DST: variants seen among roughly 807,000 people sequenced by gnomAD.
DST encodes bullous pemphigoid antigen.
DST carries 253 observed loss-of-function variants against 875.2 expected under a neutral mutation model. The observed-to-expected ratio is 0.29, with a 90% CI of 0.26 to 0.32. DST has a LOEUF of 0.32. Ranked by LOEUF, DST falls within the 10% of genes least tolerant of loss-of-function variation. DST has a pLI of 1.00. For missense variants in DST, 8,287 were observed against 9,111.6 expected (o/e 0.91, Z 3.68); for synonymous variants, 3,124 against 3,197.1 (o/e 0.98, Z 0.77).
chr6:56,509,950 T>C, intron 73 of DST, 77 bp from the exon 74 acceptor site: 1 of 1,169,498 alleles, frequency 8.6e-7, no homozygotes, highest in Non-Finnish European at 1.2e-6. Context: ...GAAAAAACAT[T>C]TTTTACAATT....
At chr6:56,538,609 C>T (rs933377626) in intron 61 of DST, among the ~76,000 whole-genome samples, 1 of 152,150 alleles carries the variant, frequency 6.6e-6, no homozygotes, top group East Asian at 1.9e-4. Flanking sequence ...ACAGGATACT[C>T]CTGTGTTACT....
At chr6:56,688,706 C>T (rs967087355) in intron 9 of DST, among the ~76,000 whole-genome samples, 5 of 152,198 alleles carry the variant, frequency 3.3e-5, no homozygotes, top group African/African-American at 1.2e-4. Flanking sequence ...CTGATCATCA[C>T]CCCAGGTGAC....
intron 4 of DST, among the ~76,000 whole-genome samples, chr6:56,798,183 T>C (rs1292296316): frequency 6.6e-6 from 1 of 152,176 alleles, no homozygotes; most frequent in Non-Finnish European, 1.5e-5. Context: ...GACAAAACAG[T>C]CTTCCAATGG....
At position 56,586,555 on chromosome 6, in the gene DST, G is replaced by T. The variant is rs548431595; in HGVS notation, c.12903+5627C>A. ...TGGGTCTTGACTCTTGATCCAATTTGCCAGTCTGTGTCTTTTAATTGGAGC... is the reference window on the plus strand; with the variant it reads ...TGGGTCTTGACTCTTGATCCAATTTTCCAGTCTGTGTCTTTTAATTGGAGC... On this transcript the variant is annotated intron_variant, in intron 49 of 103. Coordinates refer to ENST00000680361, the MANE Select transcript of DST (RefSeq NM_001374736.1). 1.4e-4 allele frequency among the ~76,000 whole-genome samples: 22 copies of T among 152,100 alleles called. No individual in the cohort carries two copies. In the East Asian group the frequency reaches 4.1e-3, roughly 28 times the overall value.
chr6:56,933,654 A>G (rs1454427793), intron 2 of DST, among the ~76,000 whole-genome samples: 3 of 152,206 alleles, frequency 2.0e-5, no homozygotes, highest in African/African-American at 7.2e-5. Flanking sequence ...AACAACAACA[A>G]AAAAGTAGAA....
intron 49 of DST, among the ~76,000 whole-genome samples, chr6:56,585,980 TC>T (rs199551717): frequency 0.33 from 49,736 of 151,334 alleles, 8,729 homozygotes; most frequent in Admixed American, 0.4. Context: ...TAATTTCTGT[TC>T]TTTTACATTT....
chr6:56,542,224 A>C (rs936717897), intron 61 of DST, among the ~76,000 whole-genome samples: 2 of 150,558 alleles, frequency 1.3e-5, no homozygotes, highest in African/African-American at 4.9e-5. Flanking sequence ...TTTTTCTTTT[A>C]CTTTTTTTTT....
At chr6:56,827,213 A>G (rs2099781597) in intron 4 of DST, among the ~76,000 whole-genome samples, 2 of 152,172 alleles carry the variant, frequency 1.3e-5, no homozygotes, top group Admixed American at 1.3e-4. Context: ...TACATTTTTA[A>G]TTTAAAAAAT....
chr6:56,610,565 AAAT>A lies in DST; in HGVS notation c.5148-6_5148-4del, dbSNP rs775202966. ...CATTTCTTTCTTCATCTGTCATTCTAAATAACCAGAAATGATAAAAAGACTAAT... is the reference window on the plus strand; with the variant it reads ...CATTTCTTTCTTCATCTGTCATTCTAAACCAGAAATGATAAAAAGACTAAT... On this transcript the variant is annotated splice_region_variant and splice_polypyrimidine_tract_variant and intron_variant, in intron 38 of 103. Transcript: ENST00000680361. The A allele has an allele frequency of 1.3e-6, 2 of 1,570,828 alleles. No individual in the cohort carries two copies. The highest frequency in any genetic ancestry group is 1.4e-5 in the African/African-American group (1 of 73,088).
At chr6:56,488,910 G>T (rs2152434394) in intron 86 of DST, among the ~76,000 whole-genome samples, 1 of 152,196 alleles carries the variant, frequency 6.6e-6, no homozygotes, top group East Asian at 1.9e-4. Context: ...AGAAAAGGTA[G>T]AAAATATTTA....
At chr6:56,542,455 A>AAAAAT (rs1491548062) in intron 61 of DST, 1 of 119,004 alleles carries the variant, frequency 8.4e-6, no homozygotes, top group African/African-American at 3.1e-5. Flanking sequence ...AAAAAAAAAA[A>AAAAAT]GCCATTTCCA....
intron 5 of DST, among the ~76,000 whole-genome samples, chr6:56,719,272 T>G (rs981278911): frequency 6.6e-6 from 1 of 152,212 alleles, no homozygotes; most frequent in Non-Finnish European, 1.5e-5. Context: ...TTGTATTTAT[T>G]GAAAAATAGC....
chr6:56,819,835 G>A (rs773166635), intron 4 of DST, among the ~76,000 whole-genome samples: 5 of 152,190 alleles, frequency 3.3e-5, no homozygotes, highest in Admixed American at 6.5e-5. Flanking sequence ...GCCTATTGAA[G>A]TCTGTGGTCT....
At chr6:56,524,075 G>C (rs1651349965) in intron 69 of DST, among the ~76,000 whole-genome samples, 1 of 151,894 alleles carries the variant, frequency 6.6e-6, no homozygotes, top group African/African-American at 2.4e-5. Context: ...GTAGTTATTG[G>C]GTAAAACAGA....
rs534753663 is a variant in DST, at chr6:56,786,525, G to GGTTTT, written c.626-51241_626-51237dup. ...TAACATCCCAGTCCCAGTACCTTTT[G>GGTTTT]GTTTTGTTTTGTTTTGTTTGTTTTT... On this transcript the variant is annotated intron_variant, in intron 4 of 103. Transcript: ENST00000680361. Among the ~76,000 whole-genome samples, 19 of 152,132 alleles carry GGTTTT rather than the reference G, an allele frequency of 1.2e-4. No homozygotes were observed. In the South Asian group the frequency reaches 1.7e-3, roughly 13 times the overall value.
At chr6:56,905,653 CTTT>C (rs77792525) in intron 2 of DST, among the ~76,000 whole-genome samples, 1 of 143,052 alleles carries the variant, frequency 7.0e-6, no homozygotes. Context: ...TTTTTCTCTA[CTTT>C]TTTTTTTTTT....
intron 49 of DST, among the ~76,000 whole-genome samples, chr6:56,582,971 A>G (rs1343098175): frequency 2.0e-5 from 3 of 152,270 alleles, no homozygotes; most frequent in African/African-American, 7.2e-5. Context: ...TATATGTGCC[A>G]CATTTTCTTA....
At position 56,759,960 on chromosome 6, in the gene DST, A is replaced by G. The variant is rs960266166; in HGVS notation, c.626-24671T>C. 2.6e-5 allele frequency among the ~76,000 whole-genome samples: 4 copies of G among 152,238 alleles called. No individual in the cohort carries two copies. The South Asian group carries it at 6.2e-4, about 24-fold the overall frequency. On this transcript the variant is annotated intron_variant, in intron 4 of 103. Transcript: ENST00000680361. ...TCCAACCATAGAGTATGCACTGCAT[A>G]TGTCAAAATCCTTTTATTTTTTAAA... is the stretch of plus-strand genomic sequence containing the variant.
intron 49 of DST, among the ~76,000 whole-genome samples, chr6:56,583,293 T>C (rs1352236049): frequency 6.6e-6 from 1 of 152,214 alleles, no homozygotes; most frequent in Non-Finnish European, 1.5e-5. Context: ...CCATTCTCAC[T>C]GGTGTGAGAT....
Sources: gnomAD v4.1 joint callset for allele counts (sites outside exome capture counted in the v4.1 genomes callset) on GRCh38, gnomAD v4.1.1 for gene constraint, MANE v1.5 for transcripts, NCBI Gene and HGNC (gene_info 2026-07-23, HGNC 2026-07-21) for gene names.